The following TNS3 variants were observed in gnomAD, a reference collection of about 807,000 sequenced individuals.
The protein encoded by TNS3 is tensin 3.
TNS3 carries 45 observed loss-of-function variants against 140.9 expected under a neutral mutation model. The ratio of observed to expected loss-of-function variants is 0.32; its 90% confidence interval spans 0.25 to 0.41. The LOEUF is 0.41. Ranked by LOEUF, TNS3 falls within the 10% of genes least tolerant of loss-of-function variation. TNS3 has a pLI of 1.00. For missense variants in TNS3, 1,716 were observed against 1,906.7 expected (o/e 0.90, Z 1.86); for synonymous variants, 815 against 788.4 (o/e 1.03, Z -0.56).
chr7:47,550,001 C>A (rs1800021048), intron 1 of TNS3, among the ~76,000 whole-genome samples: 1 of 135,260 alleles, frequency 7.4e-6, no homozygotes, highest in Non-Finnish European at 1.5e-5. Flanking sequence ...ATGCCTTGGT[C>A]TCCTCTCCCC....
At chr7:47,471,512 C>A (rs1796952204) in intron 4 of TNS3, among the ~76,000 whole-genome samples, 1 of 152,210 alleles carries the variant, frequency 6.6e-6, no homozygotes, top group Non-Finnish European at 1.5e-5. Flanking sequence ...CAGGCAGCTC[C>A]AGGGCACCCG....
rs928336944 is a variant in TNS3, at chr7:47,524,599, G to A, written c.-153+4437C>T. Among the ~76,000 whole-genome samples the A allele has an allele frequency of 5.3e-5, 8 of 150,656 alleles. No individual in the cohort carries two copies. In the East Asian group the frequency reaches 1.4e-3, roughly 26 times the overall value. ...GGGTGGATCATGAGGTCAGGAGATC[G>A]AGACCATCCTGGCTAACAAGGTGAA... On this transcript the variant is annotated intron_variant, in intron 2 of 30. Transcript: ENST00000311160.
In TNS3 at chr7:47,322,273, C is replaced by T. The variant is rs1328937430; in HGVS notation, c.2651-17270G>A. ...GTGCAGTGGCTCACGCCTGTAATCC[C>T]AGCACTTTGGGAGACTGACGCAGGC... On this transcript the variant is annotated intron_variant, in intron 20 of 30. Coordinates refer to ENST00000311160, the MANE Select transcript of TNS3 (RefSeq NM_022748.12). Among the ~76,000 whole-genome samples, 3 of 149,996 alleles carry T rather than the reference C, an allele frequency of 2.0e-5. No homozygotes were observed. In the East Asian group the frequency reaches 5.9e-4, roughly 29 times the overall value.
chr7:47,436,728 T>A (rs551182122), intron 7 of TNS3, among the ~76,000 whole-genome samples: 2 of 152,278 alleles, frequency 1.3e-5, no homozygotes, highest in South Asian at 2.1e-4. Context: ...TTGTTTGTGG[T>A]GGCTTAACAA....
At chr7:47,468,251 G>A (rs1427295745) in intron 4 of TNS3, among the ~76,000 whole-genome samples, 1 of 152,070 alleles carries the variant, frequency 6.6e-6, no homozygotes, top group Non-Finnish European at 1.5e-5. Flanking sequence ...GACCAGCCTG[G>A]CCAACATGAT....
At chr7:47,439,439 C>A in intron 6 of TNS3, 48 bp downstream of exon 6, 1 of 1,598,820 alleles carries the variant, frequency 6.3e-7, no homozygotes, top group Non-Finnish European at 8.5e-7. Flanking sequence ...CTACACAGTG[C>A]CTGCTGCAGA....
intron 2 of TNS3, among the ~76,000 whole-genome samples, chr7:47,526,271 C>A (rs1799189474): frequency 6.6e-6 from 1 of 152,178 alleles, no homozygotes; most frequent in South Asian, 2.1e-4. Flanking sequence ...CAACCTAGTG[C>A]AGCCCAAGCC....
At chr7:47,333,994 G>A (rs542960841) in intron 20 of TNS3, among the ~76,000 whole-genome samples, 1 of 152,112 alleles carries the variant, frequency 6.6e-6, no homozygotes, top group Admixed American at 6.5e-5. Context: ...CAAGATCATA[G>A]AGCTACAGAG....
intron 16 of TNS3, among the ~76,000 whole-genome samples, chr7:47,393,015 C>A (rs1303553956): frequency 6.6e-6 from 1 of 152,146 alleles, no homozygotes; most frequent in Admixed American, 6.5e-5. Context: ...CTAAGGGAAT[C>A]CAGTGTGCTC....
chr7:47,340,585 C>CTTTTTTTTT (rs774726583), intron 20 of TNS3, among the ~76,000 whole-genome samples: 5 of 134,870 alleles, frequency 3.7e-5, no homozygotes, highest in Non-Finnish European at 3.2e-5. Context: ...TCTTTTTTTT[C>CTTTTTTTTT]TTTTTTTTTT....
chr7:47,290,319 A>C (rs1028155067), intron 27 of TNS3, among the ~76,000 whole-genome samples: 2 of 152,262 alleles, frequency 1.3e-5, no homozygotes, highest in African/African-American at 4.8e-5. Context: ...CTTTTAAGAT[A>C]CAATACCAAA....
At chr7:47,416,995 G>A (rs1389214274) in intron 10 of TNS3, among the ~76,000 whole-genome samples, 3 of 152,178 alleles carry the variant, frequency 2.0e-5, no homozygotes, top group Non-Finnish European at 4.4e-5. Context: ...ACACTGCCTG[G>A]CCATGTGCTG....
intron 16 of TNS3, 97 bp from the exon 17 acceptor site, chr7:47,369,718 T>C: frequency 3.0e-6 from 4 of 1,327,452 alleles, no homozygotes; most frequent in Non-Finnish European, 4.0e-6. Flanking sequence ...AACAAATAAA[T>C]GGATTCAAAA....
chr7:47,536,365 AGC>A (rs1375224362), intron 1 of TNS3, among the ~76,000 whole-genome samples: 2 of 134,184 alleles, frequency 1.5e-5, no homozygotes, highest in African/African-American at 5.5e-5. Context: ...GGCTGAACCT[AGC>A]GGGGAGCCAA....
chr7:47,343,939 G>A (rs1789166960), intron 20 of TNS3, among the ~76,000 whole-genome samples: 1 of 152,156 alleles, frequency 6.6e-6, no homozygotes, highest in African/African-American at 2.4e-5. Context: ...TAGCTGTCAT[G>A]ATCACAACAC....
chr7:47,550,307 T>C (rs1026542799), intron 1 of TNS3, among the ~76,000 whole-genome samples: 7 of 152,178 alleles, frequency 4.6e-5, no homozygotes, highest in African/African-American at 1.7e-4. Context: ...GCCAGCAATG[T>C]CCACAGGAAG....
intron 4 of TNS3, among the ~76,000 whole-genome samples, chr7:47,464,393 AC>A (rs1796615977): frequency 6.6e-6 from 1 of 152,146 alleles, no homozygotes; most frequent in Non-Finnish European, 1.5e-5. Context: ...GAAATCATAA[AC>A]GTCAGGTCAC....
chr7:47,383,210 C>G (rs1249954721), intron 16 of TNS3, among the ~76,000 whole-genome samples: 1 of 152,192 alleles, frequency 6.6e-6, no homozygotes, highest in Non-Finnish European at 1.5e-5. Context: ...GGTGTGTCCA[C>G]ACAGTGGCAC....
chr7:47,407,570 T>C lies in TNS3; in HGVS notation c.723+4157A>G, dbSNP rs1562700743. Among the ~76,000 whole-genome samples the C allele has an allele frequency of 6.6e-6, 1 of 152,312 alleles. No homozygotes were observed. Among genetic ancestry groups the C allele is most frequent in the East Asian group, 1.9e-4 (1 of 5,176 alleles). On this transcript the variant is annotated intron_variant, in intron 13 of 30. Transcript: ENST00000311160. This position sits in a 1 kb window ranked among gnomAD's most constrained non-coding sequence, Gnocchi z 4.1. ...TCTTACTAAACTTTCTAGGAGAGGT[T>C]TATTTAATAAACAGACTTGTTACAG...
Sources: gnomAD v4.1 joint callset for allele counts (sites outside exome capture counted in the v4.1 genomes callset) on GRCh38, gnomAD v4.1.1 for gene constraint, Gnocchi (gnomAD v3.1) non-coding constraint, MANE v1.5 for transcripts, NCBI Gene and HGNC (gene_info 2026-07-23, HGNC 2026-07-21) for gene names.